The following PTPN13 variants were observed in gnomAD, a reference collection of about 807,000 sequenced individuals.
The protein encoded by PTPN13 is tyrosine-protein phosphatase non-receptor type 13.
In PTPN13, 191 loss-of-function variants were observed where a neutral mutation model predicts 284.0. The observed-to-expected ratio is 0.67, with a 90% CI of 0.60 to 0.76. The LOEUF (loss-of-function observed/expected upper bound fraction) is 0.76. PTPN13 is among the 30% of genes least tolerant of loss of function. The pLI is 0.00. For synonymous variants in PTPN13, 986 were observed against 1,022.3 expected (o/e 0.96, Z 0.68); for missense variants, 2,797 against 2,939.9 (o/e 0.95, Z 1.12).
intron 37 of PTPN13, among the ~76,000 whole-genome samples, chr4:86,783,840 A>G (rs542446727): frequency 6.6e-6 from 1 of 152,078 alleles, no homozygotes; most frequent in South Asian, 2.1e-4. Context: ...GAAGTGCTTT[A>G]CAGTTGAACA....
In PTPN13 at chr4:86,772,531, G is replaced by A. The variant is rs552474880; in HGVS notation, c.5169-247G>A. ...ATTTCACCACTGCACTCCAGCCTGGGCAACAGAGTGAGACCGTGTCTCAAC... is the reference window on the plus strand; with the variant it reads ...ATTTCACCACTGCACTCCAGCCTGGACAACAGAGTGAGACCGTGTCTCAAC... On this transcript the variant is annotated intron_variant, in intron 31 of 47. Transcript: ENST00000411767. Among the ~76,000 whole-genome samples the A allele has an allele frequency of 3.9e-5, 6 of 152,170 alleles. No homozygotes were observed. The South Asian group carries it at 1.2e-3, about 32-fold the overall frequency.
chr4:86,797,373 T>G (rs1391609328), intron 41 of PTPN13, among the ~76,000 whole-genome samples: 1 of 151,656 alleles, frequency 6.6e-6, no homozygotes, highest in Non-Finnish European at 1.5e-5. Context: ...ATGCCTGTAA[T>G]CCCAGCTACT....
At chr4:86,653,166 T>C (rs1284131212) in intron 2 of PTPN13, among the ~76,000 whole-genome samples, 1 of 152,136 alleles carries the variant, frequency 6.6e-6, no homozygotes, top group Non-Finnish European at 1.5e-5. Flanking sequence ...TTGATGTTCA[T>C]TGAGTTTCCT....
Position 86,693,657 on chromosome 4 carries a change from GA to G in PTPN13, c.621del (p.Gly208AspfsTer13). On this transcript the variant is annotated frameshift_variant, in exon 6 of 48. Coordinates refer to ENST00000411767, the MANE Select transcript of PTPN13 (RefSeq NM_080683.3). LOFTEE classifies it high-confidence loss of function. ...RSQAIRDRLR[G>X]KGLPTGRSST... Reference sequence around the variant, plus strand: ...CAGGCTATTCGAGATCGATTGCGAGGAAAAGGATTACCAACAGGTAAGAGTA... The same window carrying G: ...CAGGCTATTCGAGATCGATTGCGAGGAAAGGATTACCAACAGGTAAGAGTA... 2 of 1,552,708 alleles carry G rather than the reference GA, an allele frequency of 1.3e-6. No individual in the cohort carries two copies. Among genetic ancestry groups the G allele is most frequent in the African/African-American group, 1.4e-5 (1 of 73,640 alleles).
intron 7 of PTPN13, among the ~76,000 whole-genome samples, chr4:86,702,738 A>T (rs1423278621): frequency 6.6e-6 from 1 of 152,140 alleles, no homozygotes; most frequent in Non-Finnish European, 1.5e-5. Context: ...AGCAAGAGAA[A>T]AGAAGAGATA....
Position 86,799,987 on chromosome 4 carries a change from G to A in PTPN13, c.6505+783G>A, listed in dbSNP as rs1312085790. 3.3e-5 allele frequency among the ~76,000 whole-genome samples: 5 copies of A among 151,642 alleles called. No individual in the cohort carries two copies. The East Asian group carries it at 5.9e-4, about 18-fold the overall frequency. ...CAAGTAGCTGGGATTACAAGTGTGC[G>A]CCACCATGCCTGGCTATTTTTTCTG... On this transcript the variant is annotated intron_variant, in intron 42 of 47. Transcript: ENST00000411767.
intron 42 of PTPN13, among the ~76,000 whole-genome samples, chr4:86,800,799 A>G (rs1743940169): frequency 6.6e-6 from 1 of 152,242 alleles, no homozygotes; most frequent in East Asian, 1.9e-4. Context: ...TGGTATGTGT[A>G]CAACATGCAT....
chr4:86,656,946 C>T (rs1364967238), intron 2 of PTPN13, among the ~76,000 whole-genome samples: 1 of 152,350 alleles, frequency 6.6e-6, no homozygotes, highest in Non-Finnish European at 1.5e-5. Context: ...CCCCGAGCCT[C>T]GCTGCCGCCT....
At chr4:86,775,915 AG>A (rs1565550516) in intron 35 of PTPN13, among the ~76,000 whole-genome samples, 1 of 152,124 alleles carries the variant, frequency 6.6e-6, no homozygotes, top group Admixed American at 6.6e-5. Flanking sequence ...TTAACAAGAA[AG>A]GGAATTTATT....
At chr4:86,799,475 G>T (rs926932803) in intron 42 of PTPN13, among the ~76,000 whole-genome samples, 16 of 151,580 alleles carry the variant, frequency 1.1e-4, no homozygotes, top group African/African-American at 3.9e-4. Flanking sequence ...GATTACAGGC[G>T]GGTGCCACCA....
intron 28 of PTPN13, among the ~76,000 whole-genome samples, chr4:86,769,179 C>G (rs1162268807): frequency 6.6e-6 from 1 of 152,124 alleles, no homozygotes; most frequent in East Asian, 1.9e-4. Flanking sequence ...TTACACCTCC[C>G]CAGAACATTA....
intron 35 of PTPN13, among the ~76,000 whole-genome samples, chr4:86,776,631 A>C (rs1414758555): frequency 6.6e-6 from 1 of 152,184 alleles, no homozygotes; most frequent in African/African-American, 2.4e-5. Context: ...ACCACATTTA[A>C]AATACCCAAC....
At chr4:86,752,260 A>G (rs560766021) in intron 19 of PTPN13, among the ~76,000 whole-genome samples, 4 of 152,298 alleles carry the variant, frequency 2.6e-5, no homozygotes, top group Admixed American at 1.3e-4. Context: ...CCAAAGTTTA[A>G]AAGCTTTTTT....
chr4:86,759,100 ATT>A, intron 23 of PTPN13, 27 bp downstream of exon 23: 2 of 1,601,050 alleles, frequency 1.2e-6, no homozygotes, highest in South Asian at 2.3e-5. Context: ...TTACTTATGT[ATT>A]CTGTTTCACT....
At chr4:86,758,555 A>G in intron 21 of PTPN13, 123 bp from the exon 22 acceptor site, 1 of 970,532 alleles carries the variant, frequency 1.0e-6, no homozygotes, top group Middle Eastern at 2.2e-4. Flanking sequence ...ACAAAATTTA[A>G]TATGTGTTAC....
At chr4:86,795,306 C>T (rs1743207561) in intron 40 of PTPN13, among the ~76,000 whole-genome samples, 1 of 152,216 alleles carries the variant, frequency 6.6e-6, no homozygotes. Context: ...CATCACTGGT[C>T]ATCAGAGAAA....
At chr4:86,699,673 G>GT (rs1248774201) in intron 6 of PTPN13, among the ~76,000 whole-genome samples, 2 of 152,182 alleles carry the variant, frequency 1.3e-5, no homozygotes, top group Non-Finnish European at 2.9e-5. Flanking sequence ...TTAACTGCTT[G>GT]TTTGGTAGTC....
intron 2 of PTPN13, among the ~76,000 whole-genome samples, chr4:86,669,287 A>G (rs889774656): frequency 5.7e-4 from 46 of 80,090 alleles, no homozygotes; most frequent in African/African-American, 1.8e-3. Flanking sequence ...AAGAAGATGT[A>G]TATATATATA....
chr4:86,741,849 T>C lies in PTPN13; in HGVS notation c.2487+33T>C, dbSNP rs763909676. On this transcript the variant is annotated intron_variant, in intron 16 of 47. Coordinates refer to ENST00000411767, the MANE Select transcript of PTPN13 (RefSeq NM_080683.3). ...CATTTAACCTCTTTTCATTATATTTTCAAATGATATTACCAACTTCCAATG... is the reference window on the plus strand; with the variant it reads ...CATTTAACCTCTTTTCATTATATTTCCAAATGATATTACCAACTTCCAATG... 45 of 1,521,922 alleles carry C rather than the reference T, an allele frequency of 3.0e-5. No homozygotes were observed. In the African/African-American group the frequency reaches 4.7e-4, roughly 16 times the overall value. 94.3% of individuals were successfully genotyped at this position (1,521,922 alleles called of 1,614,324 possible). A position where few individuals can be genotyped will look rare whatever the true frequency, so the allele number is the denominator to read the frequency against.
Sources: allele counts gnomAD v4.1 joint callset (sites outside exome capture counted in the v4.1 genomes callset), GRCh38; gene constraint gnomAD v4.1.1; transcripts MANE v1.5; gene names NCBI Gene and HGNC (gene_info 2026-07-23, HGNC 2026-07-21).